The following SLC37A1 variants were observed in gnomAD, a reference collection of about 807,000 sequenced individuals.
SLC37A1 encodes the protein solute carrier family 37 member 1, also known as glucose-6-phosphate exchanger SLC37A1.
Under a neutral mutation model 75.3 loss-of-function variants are expected in SLC37A1, and 49 were observed. The ratio of observed to expected loss-of-function variants is 0.65; its 90% CI spans 0.52 to 0.83. The LOEUF is 0.83. SLC37A1 is among the 40% of genes least tolerant of loss of function. The pLI, the probability that SLC37A1 is intolerant of heterozygous loss-of-function variation, is 0.00. For missense variants in SLC37A1, 566 were observed against 695.0 expected (o/e 0.81, Z 2.09); for synonymous variants, 268 against 292.1 (o/e 0.92, Z 0.84).
At chr21:42,556,065 C>T (rs930434285) in intron 10 of SLC37A1, among the ~76,000 whole-genome samples, 3 of 152,186 alleles carry the variant, frequency 2.0e-5, no homozygotes, top group South Asian at 2.1e-4. Context: ...CACTATGTCA[C>T]GTAGCAGGCA....
intron 9 of SLC37A1, among the ~76,000 whole-genome samples, chr21:42,549,364 G>A (rs2055500347): frequency 6.6e-6 from 1 of 152,158 alleles, no homozygotes; most frequent in South Asian, 2.1e-4. Context: ...CTCCTCGTGT[G>A]TATGAGTTTG....
rs1322704252 is a variant in SLC37A1, at chr21:42,552,653, G to A, written c.769-1409G>A. ...TCCAGCCAGCAGGAAGGAGGGAAAGGACATTAGGGACAGGCCCCTTCCCTT... is the reference window on the plus strand; with the variant it reads ...TCCAGCCAGCAGGAAGGAGGGAAAGAACATTAGGGACAGGCCCCTTCCCTT... On this transcript the variant is annotated intron_variant, in intron 9 of 19. Transcript: ENST00000352133. This position sits in a 1 kb window ranked among gnomAD's most constrained non-coding sequence, Gnocchi z 4.2. Among the ~76,000 whole-genome samples, 3 of 152,232 alleles carry A rather than the reference G, an allele frequency of 2.0e-5. No homozygotes were observed. The highest frequency in any genetic ancestry group is 1.3e-4 in the Admixed American group (2 of 15,284).
chr21:42,552,356 A>G lies in SLC37A1; in HGVS notation c.769-1706A>G, dbSNP rs1306543837. Reference sequence around the variant, plus strand: ...ATAGAAAAGCCCACAGGCAGTTACTAAAACAAGATGGGAAGGTATTTCTCT... The same window carrying G: ...ATAGAAAAGCCCACAGGCAGTTACTGAAACAAGATGGGAAGGTATTTCTCT... On this transcript the variant is annotated intron_variant, in intron 9 of 19. Coordinates refer to ENST00000352133, the MANE Select transcript of SLC37A1 (RefSeq NM_001320537.2). This position sits in a 1 kb window ranked among gnomAD's most constrained non-coding sequence, Gnocchi z 4.2. Among the ~76,000 whole-genome samples the G allele has an allele frequency of 6.6e-6, 1 of 152,220 alleles. No individual in the cohort carries two copies. Among genetic ancestry groups the G allele is most frequent in the Non-Finnish European group, 1.5e-5 (1 of 68,046 alleles).
rs764670260 is a variant in SLC37A1 at position 42,552,160 on chromosome 21, G to C, written c.769-1902G>C. On this transcript the variant is annotated intron_variant, in intron 9 of 19. Coordinates refer to ENST00000352133, the MANE Select transcript of SLC37A1 (RefSeq NM_001320537.2). The surrounding 1 kb of genome is among the most constrained non-coding windows in gnomAD (Gnocchi z 4.2). Reference sequence around the variant, plus strand: ...GCCCTGTGCTATTGAAGAGCCATGGGAACTTGTTCTTTTGATTTGTATTTG... The same window carrying C: ...GCCCTGTGCTATTGAAGAGCCATGGCAACTTGTTCTTTTGATTTGTATTTG... 1.3e-5 allele frequency among the ~76,000 whole-genome samples: 2 copies of C among 152,180 alleles called. No homozygotes were observed. Among genetic ancestry groups the C allele is most frequent in the Non-Finnish European group, 2.9e-5 (2 of 68,034 alleles).
intron 6 of SLC37A1, among the ~76,000 whole-genome samples, chr21:42,542,148 C>T (rs228073): frequency 0.8 from 122,132 of 152,166 alleles, 49,988 homozygotes; most frequent in African/African-American, 0.87. Context: ...TTTTTTTCCT[C>T]GCTTTTCTCT....
chr21:42,567,181 C>T (rs764960007), intron 16 of SLC37A1, 123 bp downstream of exon 16: 14 of 943,810 alleles, frequency 1.5e-5, no homozygotes, highest in South Asian at 9.0e-5. Context: ...TGGCAGCTCA[C>T]CTACACCTGT....
At chr21:42,539,671 A>C (rs773784295) in intron 6 of SLC37A1, 24 bp downstream of exon 6, 22 of 1,603,674 alleles carry the variant, frequency 1.4e-5, no homozygotes, top group African/African-American at 1.2e-4. Context: ...TCCGTGGCTC[A>C]CCATGTACGG....
At chr21:42,546,783 A>G (rs1252341138) in intron 8 of SLC37A1, among the ~76,000 whole-genome samples, 1 of 152,240 alleles carries the variant, frequency 6.6e-6, no homozygotes, top group Non-Finnish European at 1.5e-5. Context: ...AATTTAGTAA[A>G]GGTATAAGAT....
intron 16 of SLC37A1, among the ~76,000 whole-genome samples, chr21:42,567,265 C>T (rs1042817280): frequency 3.1e-4 from 47 of 152,252 alleles, no homozygotes; most frequent in African/African-American, 1.1e-3. Flanking sequence ...GTGCAAAACT[C>T]ACCGTTCAGC....
chr21:42,516,515 G>GGGCC (rs2054524550), intron 1 of SLC37A1, among the ~76,000 whole-genome samples: 1 of 152,212 alleles, frequency 6.6e-6, no homozygotes, highest in Non-Finnish European at 1.5e-5. Context: ...TAGGGAGGAA[G>GGGCC]GGCCTCATTA....
intron 17 of SLC37A1, among the ~76,000 whole-genome samples, chr21:42,570,912 C>T (rs2056145410): frequency 6.6e-6 from 1 of 152,164 alleles, no homozygotes; most frequent in Non-Finnish European, 1.5e-5. Flanking sequence ...CACCGGACCC[C>T]CTCTGGCCTT....
At chr21:42,577,953 G>A (rs1012410482) in intron 18 of SLC37A1, among the ~76,000 whole-genome samples, 1 of 152,260 alleles carries the variant, frequency 6.6e-6, no homozygotes, top group Non-Finnish European at 1.5e-5. Flanking sequence ...ACGGGGGCTT[G>A]TCGCAGTGGA....
intron 17 of SLC37A1, among the ~76,000 whole-genome samples, chr21:42,573,745 G>C (rs1440968944): frequency 6.6e-6 from 1 of 152,014 alleles, no homozygotes; most frequent in Admixed American, 6.6e-5. Context: ...TCAGTTCATA[G>C]GTTGGTGGAA....
Position 42,547,198 on chromosome 21 carries a change from C to T in SLC37A1, c.768+58C>T. The T allele has an allele frequency of 1.3e-6, 2 of 1,588,998 alleles. No homozygotes were observed. Among genetic ancestry groups the T allele is most frequent in the Non-Finnish European group, 1.7e-6 (2 of 1,157,204 alleles). ...ACAGTGTGCGGTTCTGACCACTTCC[C>T]CAGCCTGCTCCTGCCTGTGCGGTGT... On this transcript the variant is annotated intron_variant, in intron 9 of 19. Coordinates refer to ENST00000352133, the MANE Select transcript of SLC37A1 (RefSeq NM_001320537.2). The surrounding 1 kb of genome is among the most constrained non-coding windows in gnomAD (Gnocchi z 6.1).
chr21:42,575,583 C>CA (rs1205300603), intron 18 of SLC37A1: 1 of 984,968 alleles, frequency 1.0e-6, no homozygotes, highest in Non-Finnish European at 1.2e-6. Context: ...CATAGATGTG[C>CA]AGCTGTGAGG....
chr21:42,542,509 G>A (rs768116214), intron 7 of SLC37A1, 29 bp downstream of exon 7: 1 of 1,611,420 alleles, frequency 6.2e-7, no homozygotes, highest in African/African-American at 1.3e-5. Flanking sequence ...GTTTCCAATA[G>A]CAGATGAAAA....
At chr21:42,555,709 A>G (rs1442942815) in intron 10 of SLC37A1, among the ~76,000 whole-genome samples, 3 of 152,240 alleles carry the variant, frequency 2.0e-5, no homozygotes, top group African/African-American at 7.2e-5. Flanking sequence ...TAACTGACCC[A>G]TAGAACTAGC....
chr21:42,536,789 C>A (rs228058), intron 5 of SLC37A1, among the ~76,000 whole-genome samples: 58,257 of 152,006 alleles, frequency 0.38, 12,094 homozygotes, highest in Admixed American at 0.57. Flanking sequence ...GTCCTGAGAG[C>A]GCGGCCACTC....
chr21:42,507,295 G>A (rs753251160), intron 2 of SLC37A1, among the ~76,000 whole-genome samples: 1 of 152,192 alleles, frequency 6.6e-6, no homozygotes, highest in Non-Finnish European at 1.5e-5. Context: ...TAAATTAACT[G>A]GAAAGGAGCA....
Sources: gnomAD v4.1 joint callset for allele counts (sites outside exome capture counted in the v4.1 genomes callset) on GRCh38, gnomAD v4.1.1 for gene constraint, Gnocchi (gnomAD v3.1) non-coding constraint, MANE v1.5 for transcripts, NCBI Gene and HGNC (gene_info 2026-07-23, HGNC 2026-07-21) for gene names.